The following HSF5 variants were observed in gnomAD, a reference collection of about 807,000 sequenced individuals.
The protein encoded by HSF5 is heat shock transcription factor 5.
A neutral mutation model predicts 50.8 loss-of-function variants in HSF5; 5 were observed. The observed-to-expected ratio is 0.10, with a 90% CI of 0.05 to 0.21. HSF5 has a LOEUF of 0.21. Among genes scored for constraint, HSF5 ranks in the 10% least tolerant of loss-of-function variants. HSF5 has a pLI of 1.00. For missense variants in HSF5, 564 were observed against 762.6 expected, an observed-to-expected ratio of 0.74 and a Z score of 3.07; for synonymous variants, 307 against 307.4, an observed-to-expected ratio of 1.00 and a Z score of 0.02.
chr17:58,433,911 ATTTTTTT>A (rs59043902), intron 5 of HSF5, among the ~76,000 whole-genome samples: 6 of 109,362 alleles, frequency 5.5e-5, no homozygotes, highest in African/African-American at 1.4e-4. Context: ...GGTCAAAGGG[ATTTTTTT>A]TTTTTTTTTT....
intron 5 of HSF5, among the ~76,000 whole-genome samples, chr17:58,442,990 G>A (rs571041358): frequency 6.6e-6 from 1 of 151,766 alleles, no homozygotes; most frequent in East Asian, 1.9e-4. Context: ...CTCACTGCAA[G>A]CTCTGCCTCC....
At chr17:58,461,851 C>G (rs972745198) in intron 4 of HSF5, among the ~76,000 whole-genome samples, 2 of 152,062 alleles carry the variant, frequency 1.3e-5, no homozygotes, top group African/African-American at 4.8e-5. Flanking sequence ...GCCTAGGTGA[C>G]AGAGAGAGAC....
chr17:58,435,877 C>A (rs1016809193), intron 5 of HSF5, among the ~76,000 whole-genome samples: 18 of 127,072 alleles, frequency 1.4e-4, no homozygotes, highest in African/African-American at 5.6e-4. Flanking sequence ...GCAGCCTGGG[C>A]GACAGAGCGA....
intron 1 of HSF5, among the ~76,000 whole-genome samples, chr17:58,484,198 T>A: frequency 2.1e-5 from 3 of 142,886 alleles, no homozygotes; most frequent in Non-Finnish European, 1.5e-5. Flanking sequence ...ACAGGTAGAA[T>A]GGTAAGGAAA....
In HSF5 at chr17:58,434,102, G is replaced by T. The variant is rs146683081; in HGVS notation, c.1721-11672C>A. ...TTAATTTTGTATTTTTAGTAGAGAC[G>T]GGGTTTCACCATATTGGCCAGGTTG... On this transcript the variant is annotated intron_variant, in intron 5 of 5. Coordinates refer to ENST00000323777, the MANE Select transcript of HSF5 (RefSeq NM_001080439.3). 3.9e-3 allele frequency among the ~76,000 whole-genome samples: 589 copies of T among 151,388 alleles called. 7 individuals are homozygous for T. Among genetic ancestry groups the T allele is most frequent in the African/African-American group, 0.013 (552 of 41,272 alleles).
intron 3 of HSF5, 77 bp from the exon 4 acceptor site, chr17:58,463,380 C>G (rs551568883): frequency 2.9e-5 from 33 of 1,119,176 alleles, no homozygotes; most frequent in Middle Eastern, 6.1e-4. Flanking sequence ...AATATTTAGG[C>G]TGATGAGTGC....
chr17:58,471,189 T>C (rs1974938635), intron 2 of HSF5, among the ~76,000 whole-genome samples: 1 of 152,102 alleles, frequency 6.6e-6, no homozygotes, highest in African/African-American at 2.4e-5. Flanking sequence ...CCCTGAAAAA[T>C]AGTTAAAGTG....
intron 2 of HSF5, among the ~76,000 whole-genome samples, chr17:58,470,868 G>C (rs989205252): frequency 6.6e-6 from 1 of 152,184 alleles, no homozygotes; most frequent in Non-Finnish European, 1.5e-5. Context: ...AGAGGTTGCA[G>C]TCAGCCAAGA....
chr17:58,455,421 G>A (rs1974696520), intron 5 of HSF5, among the ~76,000 whole-genome samples: 1 of 151,986 alleles, frequency 6.6e-6, no homozygotes. Context: ...GACTGGGCGA[G>A]GACTTTTTGG....
At chr17:58,422,671 A>C (rs1039757105) in intron 5 of HSF5, among the ~76,000 whole-genome samples, 2 of 150,666 alleles carry the variant, frequency 1.3e-5, no homozygotes, top group African/African-American at 4.9e-5. Context: ...TAGTATAGCC[A>C]AGACTCTTTT....
chr17:58,435,050 G>A (rs1340795342), intron 5 of HSF5, among the ~76,000 whole-genome samples: 3 of 152,186 alleles, frequency 2.0e-5, no homozygotes, highest in African/African-American at 7.2e-5. Context: ...ATGTTGGTGG[G>A]AAGATATGAA....
At chr17:58,460,067 G>T (rs1974770154) in intron 4 of HSF5, among the ~76,000 whole-genome samples, 1 of 152,124 alleles carries the variant, frequency 6.6e-6, no homozygotes, top group Non-Finnish European at 1.5e-5. Context: ...GCCCAGGCTG[G>T]AGTGTAGTGG....
At chr17:58,479,809 G>A (rs1235933261) in intron 2 of HSF5, 84 bp downstream of exon 2, 2 of 1,202,116 alleles carry the variant, frequency 1.7e-6, no homozygotes, top group Non-Finnish European at 2.3e-6. Context: ...AAAGCACATA[G>A]ACATTAAAAT....
chr17:58,484,335 A>C (rs1047511577), intron 1 of HSF5, among the ~76,000 whole-genome samples: 1 of 152,246 alleles, frequency 6.6e-6, no homozygotes, highest in Non-Finnish European at 1.5e-5. Flanking sequence ...TTAAATGCTG[A>C]CCAACTGAAG....
chr17:58,458,842 C>T lies in HSF5; in HGVS notation c.1646G>A (p.Ser549Asn), dbSNP rs369295155. Reference sequence around the variant, plus strand: ...TGGAGTGGCTAAACCTGTGTCTTCACTAGGCTTGCTAGCAGGCCCCATTTC... The same window carrying T: ...TGGAGTGGCTAAACCTGTGTCTTCATTAGGCTTGCTAGCAGGCCCCATTTC... The part of the protein sequence containing the change: ...ISEMGPASKP[S>N]EDTGLATPAR... Residue 549 changes from serine to asparagine, a missense_variant, in exon 5 of 6, where the codon AGT becomes AAT. Ser to Asn is a conservative substitution (Grantham distance 46, BLOSUM62 1). Coordinates refer to ENST00000323777, the MANE Select transcript of HSF5 (RefSeq NM_001080439.3). The T allele has an allele frequency of 3.7e-6, 6 of 1,614,134 alleles. No homozygotes were observed. The highest frequency in any genetic ancestry group is 4.2e-6 in the Non-Finnish European group (5 of 1,180,008).
chr17:58,487,825 G>A lies in HSF5; in HGVS notation c.450C>T (p.Asn150=). ...AGGTGATGAGCAGCCGCTGGAAGCG[G>A]TTGGGCGGGCGGCAGGGCACCTCCA... ...AGLEVPCRPP[N]RFQRLLITSA... is the part of the protein sequence containing the mutation. The change falls in exon 1 of 6, where the codon AAC becomes AAT. Residue 150 remains asparagine (N), a synonymous_variant. Coordinates refer to ENST00000323777, the MANE Select transcript of HSF5 (RefSeq NM_001080439.3). 2 of 1,578,204 alleles carry A rather than the reference G, an allele frequency of 1.3e-6. No homozygotes were observed. Among genetic ancestry groups the A allele is most frequent in the East Asian group, 2.3e-5 (1 of 42,564 alleles).
intron 5 of HSF5, among the ~76,000 whole-genome samples, chr17:58,425,724 T>C (rs1237151495): frequency 1.3e-5 from 2 of 152,048 alleles, no homozygotes; most frequent in African/African-American, 4.8e-5. Context: ...CTTTTTCAAG[T>C]AGCTAAATGC....
At chr17:58,446,982 AG>A (rs1974570315) in intron 5 of HSF5, among the ~76,000 whole-genome samples, 1 of 152,128 alleles carries the variant, frequency 6.6e-6, no homozygotes, top group Admixed American at 6.5e-5. Flanking sequence ...AAAATTAGCC[AG>A]GTGTGGTGGC....
chr17:58,470,426 T>A (rs1974927573), intron 2 of HSF5, among the ~76,000 whole-genome samples: 1 of 152,190 alleles, frequency 6.6e-6, no homozygotes, highest in African/African-American at 2.4e-5. Flanking sequence ...GGACAAATAT[T>A]ATACGATTCC....
Sources: gnomAD v4.1 joint callset for allele counts (sites outside exome capture counted in the v4.1 genomes callset) on GRCh38, gnomAD v4.1.1 for gene constraint, MANE v1.5 for transcripts, NCBI Gene and HGNC (gene_info 2026-07-23, HGNC 2026-07-21) for gene names.